Variants in RPS6KA2 observed in about 807,000 individuals in gnomAD.
The protein encoded by RPS6KA2 is ribosomal protein S6 kinase alpha-2.
RPS6KA2 carries 42 observed loss-of-function variants against 91.8 expected under a neutral mutation model. The ratio of observed to expected loss-of-function variants is 0.46; its 90% CI spans 0.36 to 0.59. The LOEUF is 0.59. Ranked by LOEUF, RPS6KA2 falls within the 20% of genes least tolerant of loss-of-function variation. The pLI, the probability that RPS6KA2 is intolerant of heterozygous loss-of-function variation, is 0.00. For missense variants in RPS6KA2, 798 were observed against 978.5 expected (o/e 0.82, Z 2.46); for synonymous variants, 414 against 393.6 (o/e 1.05, Z -0.61).
At chr6:166,686,852 A>G (rs966267997) in intron 2 of RPS6KA2, among the ~76,000 whole-genome samples, 2 of 152,196 alleles carry the variant, frequency 1.3e-5, no homozygotes, top group Admixed American at 1.3e-4. Context: ...ACATGTGCCA[A>G]TTACAGTGTG....
At chr6:166,574,153 T>C (rs1000102071) in intron 1 of RPS6KA2, among the ~76,000 whole-genome samples, 9 of 152,328 alleles carry the variant, frequency 5.9e-5, no homozygotes, top group African/African-American at 2.2e-4. Context: ...TTTTTTAATT[T>C]TTTAAATTCT....
rs1312751268 is a variant in RPS6KA2 at position 166,500,431 on chromosome 6, G to A, written c.604+456C>T. On this transcript the variant is annotated intron_variant, in intron 7 of 20. Coordinates refer to ENST00000265678, the MANE Select transcript of RPS6KA2 (RefSeq NM_021135.6). The surrounding 1 kb of genome is among the most constrained non-coding windows in gnomAD (Gnocchi z 4.3). The stretch of plus-strand genomic sequence containing the variant: ...CGTGGCCACCACCACGGTCCAGGGA[G>A]TGAGAAGGAGGCAGGGACAGCATCA... Among the ~76,000 whole-genome samples the A allele has an allele frequency of 6.6e-6, 1 of 152,228 alleles. No homozygotes were observed. The highest frequency in any genetic ancestry group is 1.5e-5 in the Non-Finnish European group (1 of 68,048).
At chr6:166,659,967 G>A (rs1022452941) in intron 2 of RPS6KA2, among the ~76,000 whole-genome samples, 14 of 151,432 alleles carry the variant, frequency 9.2e-5, no homozygotes, top group East Asian at 3.9e-4. Flanking sequence ...ATGTTGCCCA[G>A]TCTGACCTTG....
intron 8 of RPS6KA2, among the ~76,000 whole-genome samples, chr6:166,491,366 A>G (rs1025393819): frequency 1.3e-5 from 2 of 152,168 alleles, no homozygotes; most frequent in African/African-American, 4.8e-5. Context: ...TTGTCTGAGC[A>G]TGGGTTTCTT....
chr6:166,729,057 C>A (rs970239753), intron 2 of RPS6KA2, among the ~76,000 whole-genome samples: 1 of 152,230 alleles, frequency 6.6e-6, no homozygotes, highest in African/African-American at 2.4e-5. Flanking sequence ...AAGGGCCACC[C>A]CACAGCAGGT....
intron 2 of RPS6KA2, among the ~76,000 whole-genome samples, chr6:166,716,503 G>A (rs1308587029): frequency 6.6e-6 from 1 of 152,160 alleles, no homozygotes; most frequent in African/African-American, 2.4e-5. Flanking sequence ...GACGTCATTT[G>A]AGGACCTGCT....
chr6:166,539,903 A>T (rs1783601205), intron 1 of RPS6KA2, among the ~76,000 whole-genome samples: 1 of 152,230 alleles, frequency 6.6e-6, no homozygotes, highest in Non-Finnish European at 1.5e-5. Flanking sequence ...CCCTTTCTAC[A>T]GTTTTAGCTC....
At chr6:166,606,399 T>C (rs1785957126) in intron 1 of RPS6KA2, among the ~76,000 whole-genome samples, 1 of 152,194 alleles carries the variant, frequency 6.6e-6, no homozygotes, top group South Asian at 2.1e-4. Context: ...TCTGCAAAAA[T>C]ATATCCTGAA....
In RPS6KA2 at chr6:166,423,197, G is replaced by C; in HGVS notation, c.1743+59C>G. The C allele has an allele frequency of 3.9e-6, 6 of 1,522,450 alleles. No individual in the cohort carries two copies. Among genetic ancestry groups the C allele is most frequent in the South Asian group, 2.4e-5 (2 of 82,206 alleles). 94.3% of individuals were successfully genotyped at this position (1,522,450 alleles called of 1,614,324 possible). A position where few individuals can be genotyped will look rare whatever the true frequency, so the allele number is the denominator to read the frequency against. On this transcript the variant is annotated intron_variant, in intron 17 of 20. Transcript: ENST00000265678. This position sits in a 1 kb window ranked among gnomAD's most constrained non-coding sequence, Gnocchi z 4.8. ...CTGTCCGGTGGCTCTGCAGTGGGAG[G>C]GGGCAGAGCCTGTCTTTGCGGATAG...
chr6:166,507,985 A>AC (rs372015266), intron 5 of RPS6KA2, among the ~76,000 whole-genome samples: 2 of 137,458 alleles, frequency 1.5e-5, no homozygotes, highest in Non-Finnish European at 3.1e-5. Context: ...CAGTCTCGCA[A>AC]CCCCCCACCA....
chr6:166,751,757 G>A (rs1367894472), intron 2 of RPS6KA2, among the ~76,000 whole-genome samples: 1 of 152,240 alleles, frequency 6.6e-6, no homozygotes, highest in African/African-American at 2.4e-5. Context: ...AGCCGATTTG[G>A]GGATTCTATG....
At chr6:166,757,841 G>A (rs549925370) in intron 2 of RPS6KA2, 36 of 298,052 alleles carry the variant, frequency 1.2e-4, no homozygotes, top group African/African-American at 7.4e-4. Context: ...TGCAAACTCA[G>A]AAGCAAAGGA....
intron 3 of RPS6KA2, among the ~76,000 whole-genome samples, chr6:166,515,586 G>A (rs4473841): frequency 0.13 from 19,348 of 152,226 alleles, 4,163 homozygotes; most frequent in African/African-American, 0.44. Flanking sequence ...TCATTAGGAT[G>A]CTCTCAACAC....
In RPS6KA2 at chr6:166,770,710, C is replaced by T. The variant is rs888207797; in HGVS notation, c.123+87490G>A. ...ATTCACATTTTCCTGTGGAGTGGTC[C>T]AGCCTTCTAAAAGCTCTTCGCACCT... On this transcript the variant is annotated intron_variant, in intron 2 of 21. Transcript: ENST00000503859. This position sits in a 1 kb window ranked among gnomAD's most constrained non-coding sequence, Gnocchi z 5.1. 1.3e-5 allele frequency among the ~76,000 whole-genome samples: 2 copies of T among 152,148 alleles called. No homozygotes were observed. The highest frequency in any genetic ancestry group is 2.1e-4 in the South Asian group (1 of 4,816).
chr6:166,480,981 G>T (rs1358845486), intron 10 of RPS6KA2, among the ~76,000 whole-genome samples: 2 of 152,136 alleles, frequency 1.3e-5, no homozygotes, highest in Non-Finnish European at 2.9e-5. Context: ...TCTAAACCTT[G>T]ATGCTTTTCG....
At chr6:166,592,407 G>T (rs1235953621) in intron 1 of RPS6KA2, among the ~76,000 whole-genome samples, 1 of 152,112 alleles carries the variant, frequency 6.6e-6, no homozygotes, top group African/African-American at 2.4e-5. Flanking sequence ...CCAATCTATG[G>T]GCTAGGCAGA....
chr6:166,521,815 C>T (rs546896915), intron 3 of RPS6KA2, among the ~76,000 whole-genome samples: 23 of 152,256 alleles, frequency 1.5e-4, no homozygotes, highest in African/African-American at 4.3e-4. Context: ...TGGGGTGGAA[C>T]GCCATAGACT....
Position 166,677,669 on chromosome 6 carries a change from T to G in RPS6KA2, c.124-138885A>C, listed in dbSNP as rs186064344. 4.6e-3 allele frequency among the ~76,000 whole-genome samples: 698 copies of G among 152,332 alleles called. 7 individuals carry two copies. Among genetic ancestry groups the G allele is most frequent in the African/African-American group, 0.016 (652 of 41,576 alleles). On this transcript the variant is annotated intron_variant, in intron 2 of 21. Transcript: ENST00000503859. Reference sequence around the variant, plus strand: ...AGTAGGTATTAATGCTATTCCATCTTTATCCTTGAAAAGGGGAAGGAAGAT... The same window carrying G: ...AGTAGGTATTAATGCTATTCCATCTGTATCCTTGAAAAGGGGAAGGAAGAT...
At chr6:166,843,246 T>A (rs1780529504) in intron 2 of RPS6KA2, among the ~76,000 whole-genome samples, 1 of 152,164 alleles carries the variant, frequency 6.6e-6, no homozygotes, top group Non-Finnish European at 1.5e-5. Context: ...GAATCTGAGA[T>A]CAGAAACACC....
Sources: allele counts gnomAD v4.1 joint callset (sites outside exome capture counted in the v4.1 genomes callset), GRCh38; gene constraint gnomAD v4.1.1; non-coding constraint Gnocchi (gnomAD v3.1); transcripts MANE v1.5; gene names NCBI Gene and HGNC (gene_info 2026-07-23, HGNC 2026-07-21).